The following PTPN4 variants were observed in gnomAD, a reference collection of about 807,000 sequenced individuals.
PTPN4 encodes tyrosine-protein phosphatase non-receptor type 4.
Under a neutral mutation model 135.5 loss-of-function variants are expected in PTPN4, and 49 were observed. The observed-to-expected ratio is 0.36, with a 90% CI of 0.29 to 0.46. The LOEUF is 0.46. Among genes scored for constraint, PTPN4 ranks in the 20% least tolerant of loss-of-function variants. The pLI is 1.00. For synonymous variants in PTPN4, 333 were observed against 369.9 expected (o/e 0.90, Z 1.14); for missense variants, 860 against 1,101.0 (o/e 0.78, Z 3.10).
rs116886140 is a variant in PTPN4 at position 119,937,523 on chromosome 2, A to G, written c.1355+2565A>G. Among the ~76,000 whole-genome samples, 188 of 152,372 alleles carry G rather than the reference A, an allele frequency of 1.2e-3. 1 individual carries two copies. In the East Asian group the frequency reaches 0.028, roughly 22 times the overall value. ...GGATGGTTAAATTTATTAGCATACA[A>G]ATTTCTAAAGGCGGCAACAGAGAGC... On this transcript the variant is annotated intron_variant, in intron 15 of 26. Transcript: ENST00000263708.
intron 8 of PTPN4, among the ~76,000 whole-genome samples, chr2:119,884,554 CTAAG>C (rs754163818): frequency 2.6e-5 from 4 of 152,226 alleles, no homozygotes; most frequent in Non-Finnish European, 4.4e-5. Context: ...CTATTTTAAT[CTAAG>C]TAAATTCCAT....
chr2:119,837,616 C>T (rs1677315004), intron 2 of PTPN4, among the ~76,000 whole-genome samples: 1 of 152,236 alleles, frequency 6.6e-6, no homozygotes, highest in Non-Finnish European at 1.5e-5. Context: ...GGCTAAAACA[C>T]GCCCCCTGCT....
At chr2:119,929,684 G>T (rs1678872848) in intron 13 of PTPN4, among the ~76,000 whole-genome samples, 1 of 152,048 alleles carries the variant, frequency 6.6e-6, no homozygotes, top group Non-Finnish European at 1.5e-5. Context: ...CACTCAACAG[G>T]AAACATAGAC....
At chr2:119,839,603 G>A (rs887696493) in intron 2 of PTPN4, among the ~76,000 whole-genome samples, 2 of 152,126 alleles carry the variant, frequency 1.3e-5, no homozygotes, top group African/African-American at 2.4e-5. Context: ...AAAACTGCAA[G>A]CAGGCAACCA....
At chr2:119,909,351 G>C (rs1306712693) in intron 10 of PTPN4, among the ~76,000 whole-genome samples, 3 of 152,140 alleles carry the variant, frequency 2.0e-5, no homozygotes, top group Non-Finnish European at 4.4e-5. Context: ...CCTTACCTGT[G>C]TTCTAGAAAT....
intron 22 of PTPN4, among the ~76,000 whole-genome samples, chr2:119,958,484 C>G (rs1225140705): frequency 6.6e-6 from 1 of 152,136 alleles, no homozygotes; most frequent in Non-Finnish European, 1.5e-5. Flanking sequence ...ATACCTCTTA[C>G]GCAGTTTCAA....
intron 2 of PTPN4, among the ~76,000 whole-genome samples, chr2:119,819,934 T>C (rs1273606289): frequency 6.6e-6 from 1 of 152,208 alleles, no homozygotes; most frequent in Non-Finnish European, 1.5e-5. Flanking sequence ...CACCATAGTT[T>C]AGTGCAGGCT....
intron 1 of PTPN4, among the ~76,000 whole-genome samples, chr2:119,779,737 G>T (rs982484467): frequency 6.6e-6 from 1 of 151,840 alleles, no homozygotes; most frequent in Non-Finnish European, 1.5e-5. Context: ...AGCAGAATTT[G>T]AAATAATTCT....
At chr2:119,865,868 G>A (rs1484724716) in intron 3 of PTPN4, among the ~76,000 whole-genome samples, 1 of 151,834 alleles carries the variant, frequency 6.6e-6, no homozygotes, top group Non-Finnish European at 1.5e-5. Flanking sequence ...AACTTAAAAG[G>A]CACCTAGCAT....
chr2:119,792,677 T>A (rs1691169771), intron 1 of PTPN4, among the ~76,000 whole-genome samples: 1 of 152,186 alleles, frequency 6.6e-6, no homozygotes, highest in Non-Finnish European at 1.5e-5. Flanking sequence ...AGAATATCTA[T>A]CGGGGAACCA....
intron 26 of PTPN4, among the ~76,000 whole-genome samples, chr2:119,968,529 C>A (rs931793386): frequency 6.6e-6 from 1 of 151,726 alleles, no homozygotes; most frequent in South Asian, 2.1e-4. Context: ...AGGTAGCTCA[C>A]GCCTGTAATC....
intron 2 of PTPN4, among the ~76,000 whole-genome samples, chr2:119,828,895 ATTATAATCT>A (rs991547797): frequency 2.6e-5 from 4 of 152,326 alleles, no homozygotes; most frequent in Admixed American, 6.5e-5. Flanking sequence ...TTTTATCTCC[ATTATAATCT>A]TTTGGGACCA....
intron 2 of PTPN4, among the ~76,000 whole-genome samples, chr2:119,828,105 C>G (rs1196030478): frequency 6.6e-6 from 1 of 152,236 alleles, no homozygotes; most frequent in African/African-American, 2.4e-5. Context: ...TTTTAGACTT[C>G]AGCTGTCATG....
chr2:119,800,486 T>C (rs749967847), intron 1 of PTPN4, among the ~76,000 whole-genome samples: 4 of 151,574 alleles, frequency 2.6e-5, no homozygotes, highest in Non-Finnish European at 4.4e-5. Context: ...TTATTACATA[T>C]TCTGAGTACT....
rs1386063576 is a variant in PTPN4, at chr2:119,844,573, C to T, written c.139-17963C>T. Among the ~76,000 whole-genome samples, 19 of 147,484 alleles carry T rather than the reference C, an allele frequency of 1.3e-4. 1 individual carries two copies. The highest frequency in any genetic ancestry group is 7.3e-4 in the Admixed American group (11 of 15,000). On this transcript the variant is annotated intron_variant, in intron 2 of 26. Transcript: ENST00000263708. ...GCAGAGACGCTCCTCACCTCCCAGA[C>T]GGGGTCTCGGCCGGGCAGAGGCGCT...
intron 1 of PTPN4, among the ~76,000 whole-genome samples, chr2:119,792,233 T>C (rs1002869917): frequency 3.3e-5 from 5 of 152,234 alleles, no homozygotes; most frequent in African/African-American, 1.2e-4. Flanking sequence ...CTAGAATGTA[T>C]AGAACCACTT....
At chr2:119,845,264 G>C in intron 2 of PTPN4, among the ~76,000 whole-genome samples, 1 of 107,376 alleles carries the variant, frequency 9.3e-6, no homozygotes, top group South Asian at 4.3e-4. Context: ...GAGGGGGAGG[G>C]GGAGGGAGAG....
intron 1 of PTPN4, among the ~76,000 whole-genome samples, chr2:119,784,448 G>T (rs1302684154): frequency 6.8e-6 from 1 of 146,812 alleles, no homozygotes; most frequent in African/African-American, 2.5e-5. Flanking sequence ...GTGAAGTGGC[G>T]CAATCTTGGC....
chr2:119,965,796 C>A, intron 25 of PTPN4, 151 bp downstream of exon 25: 4 of 863,180 alleles, frequency 4.6e-6, no homozygotes, highest in Non-Finnish European at 5.2e-6. Context: ...AGGATATGTT[C>A]TAACATATGA....
Sources: allele counts gnomAD v4.1 joint callset (sites outside exome capture counted in the v4.1 genomes callset), GRCh38; gene constraint gnomAD v4.1.1; transcripts MANE v1.5; gene names NCBI Gene and HGNC (gene_info 2026-07-23, HGNC 2026-07-21).